RANBP2: variants seen among roughly 807,000 people sequenced by gnomAD.
RANBP2 encodes E3 SUMO-protein ligase RanBP2.
RANBP2 carries 57 observed loss-of-function variants against 303.6 expected under a neutral mutation model. The ratio of observed to expected loss-of-function variants is 0.19; its 90% CI spans 0.15 to 0.23. The LOEUF (loss-of-function observed/expected upper bound fraction) is 0.23. Ranked by LOEUF, RANBP2 falls within the 10% of genes least tolerant of loss-of-function variation. The pLI is 1.00. For missense variants in RANBP2, 3,138 were observed against 3,780.8 expected, an observed-to-expected ratio of 0.83 and a Z score of 4.46; for synonymous variants, 1,167 against 1,301.5, an observed-to-expected ratio of 0.90 and a Z score of 2.23.
At chr2:108,775,199 G>T (rs972661980) in intron 23 of RANBP2, among the ~76,000 whole-genome samples, 1 of 152,056 alleles carries the variant, frequency 6.6e-6, no homozygotes, top group Non-Finnish European at 1.5e-5. Flanking sequence ...AGATGCTACT[G>T]TGCCATTTCC....
the RANBP2 span, among the ~76,000 whole-genome samples, chr2:109,678,752 G>A: frequency 6.6e-6 from 1 of 152,152 alleles, no homozygotes; most frequent in African/African-American, 2.4e-5. Context: ...CATGGGAGAA[G>A]GTTCGCAGGC....
chr2:108,773,046 A>G lies in RANBP2; in HGVS notation c.8292A>G (p.Gln2764=), dbSNP rs1677620014. The G allele has an allele frequency of 1.9e-6, 3 of 1,608,550 alleles. No individual in the cohort carries two copies. The highest frequency in any genetic ancestry group is 1.1e-5 in the South Asian group (1 of 90,302). The change falls in exon 23 of 29, where the codon CAA becomes CAG. Residue 2764 remains glutamine (Q), a splice_region_variant and synonymous_variant. Coordinates refer to ENST00000283195, the MANE Select transcript of RANBP2 (RefSeq NM_006267.5). ...AGCTTCAAAAAGTTCAGGAAGCTCA[A>G]GTAAGAACATCTCTAATAAATTTTC... ...QSELQKVQEA[Q]KSQTEEITST...
the RANBP2 span, among the ~76,000 whole-genome samples, chr2:108,900,742 A>G: frequency 6.6e-6 from 1 of 152,214 alleles, no homozygotes; most frequent in Non-Finnish European, 1.5e-5. Context: ...AACTTCAATA[A>G]CAAGAAGGCA....
At chr2:109,671,375 G>C in the RANBP2 span, among the ~76,000 whole-genome samples, 2 of 152,188 alleles carry the variant, frequency 1.3e-5, no homozygotes, top group African/African-American at 4.8e-5. Context: ...TGACAGCAGT[G>C]GTGGTTGTAT....
the RANBP2 span, among the ~76,000 whole-genome samples, chr2:109,211,649 T>TTTC: frequency 5.2e-3 from 294 of 56,238 alleles, 1 homozygote; most frequent in African/African-American, 0.027. Context: ...CATTTCTTTC[T>TTTC]TTTTTTTTTT....
At chr2:109,457,799 A>G in the RANBP2 span, among the ~76,000 whole-genome samples, 2 of 152,210 alleles carry the variant, frequency 1.3e-5, no homozygotes, top group Non-Finnish European at 2.9e-5. Flanking sequence ...GCATTAGTTC[A>G]GAAGAAAAAC....
the RANBP2 span, among the ~76,000 whole-genome samples, chr2:108,974,995 T>C: frequency 6.6e-6 from 1 of 152,122 alleles, no homozygotes; most frequent in South Asian, 2.1e-4. Flanking sequence ...AGGCAGCCAT[T>C]CTGCAAGTCC....
chr2:109,142,356 G>C, the RANBP2 span, among the ~76,000 whole-genome samples: 1 of 152,104 alleles, frequency 6.6e-6, no homozygotes, highest in African/African-American at 2.4e-5. Flanking sequence ...ACTCTAAAAT[G>C]TGCCTCCTCT....
intron 23 of RANBP2, among the ~76,000 whole-genome samples, chr2:108,774,628 G>T (rs1340510045): frequency 6.6e-6 from 1 of 151,300 alleles, no homozygotes; most frequent in Non-Finnish European, 1.5e-5. Flanking sequence ...GTTTTCTTAA[G>T]TTTTAAAAAA....
the RANBP2 span, among the ~76,000 whole-genome samples, chr2:109,106,566 G>A: frequency 6.6e-6 from 1 of 152,148 alleles, no homozygotes; most frequent in African/African-American, 2.4e-5. Flanking sequence ...GCCGGGTGCG[G>A]TGGCTCACAC....
At chr2:109,589,102 G>GT in the RANBP2 span, among the ~76,000 whole-genome samples, 2 of 151,834 alleles carry the variant, frequency 1.3e-5, no homozygotes, top group South Asian at 2.1e-4. Context: ...AATTTTTGTG[G>GT]TTTTTTTGTT....
chr2:109,133,179 C>T, the RANBP2 span, among the ~76,000 whole-genome samples: 2 of 152,142 alleles, frequency 1.3e-5, no homozygotes, highest in Admixed American at 1.3e-4. Flanking sequence ...GTGAGGGTTA[C>T]AAGGAAGGAC....
At chr2:108,769,321 A>G (rs2149289092) in intron 20 of RANBP2, 1 of 984,448 alleles carries the variant, frequency 1.0e-6, no homozygotes, top group South Asian at 4.7e-5. Flanking sequence ...CCCCTTCCTC[A>G]CAGCCTGAGA....
At chr2:108,844,661 T>G in the RANBP2 span, among the ~76,000 whole-genome samples, 1 of 152,134 alleles carries the variant, frequency 6.6e-6, no homozygotes, top group African/African-American at 2.4e-5. Context: ...AGTTTTAACA[T>G]CCTTAGGTGA....
chr2:109,613,961 G>A, the RANBP2 span: 3 of 1,160,200 alleles, frequency 2.6e-6, no homozygotes, highest in Non-Finnish European at 3.2e-6. Flanking sequence ...CCGCGACGGG[G>A]AAGGGACAGG....
chr2:109,473,703 C>T, the RANBP2 span, among the ~76,000 whole-genome samples: 5 of 151,910 alleles, frequency 3.3e-5, no homozygotes, highest in African/African-American at 9.7e-5. Context: ...CTGCCGTGCC[C>T]AGCTCACTCA....
chr2:109,635,821 G>A, the RANBP2 span, among the ~76,000 whole-genome samples: 284 of 152,320 alleles, frequency 1.9e-3, 2 homozygotes, highest in Middle Eastern at 6.8e-3. Flanking sequence ...AATAAGATAT[G>A]CTGTCTAACT....
chr2:109,161,085 G>A, the RANBP2 span, among the ~76,000 whole-genome samples: 71 of 152,282 alleles, frequency 4.7e-4, 1 homozygote, highest in African/African-American at 1.6e-3. Context: ...CAAGGCAATC[G>A]ACTGTTCATT....
the RANBP2 span, among the ~76,000 whole-genome samples, chr2:109,444,495 G>A: frequency 1.3e-5 from 2 of 152,190 alleles, no homozygotes; most frequent in Admixed American, 1.3e-4. Flanking sequence ...AGGTGTGCCA[G>A]TTCTAAAAAT....
Sources: allele counts gnomAD v4.1 joint callset (sites outside exome capture counted in the v4.1 genomes callset), GRCh38; gene constraint gnomAD v4.1.1; transcripts MANE v1.5; gene names NCBI Gene and HGNC (gene_info 2026-07-23, HGNC 2026-07-21).